Variants in PTPRG observed in about 807,000 individuals in gnomAD.
PTPRG encodes the protein protein tyrosine phosphatase receptor type G, also known as receptor-type tyrosine-protein phosphatase gamma.
In PTPRG, 102 loss-of-function variants were observed where a neutral mutation model predicts 165.3. The ratio of observed to expected loss-of-function variants is 0.62; its 90% CI spans 0.53 to 0.73. PTPRG has a LOEUF of 0.73. PTPRG is among the 30% of genes least tolerant of loss of function. The pLI, the probability that PTPRG is intolerant of heterozygous loss-of-function variation, is 0.00. For synonymous variants in PTPRG, 675 were observed against 669.5 expected, an observed-to-expected ratio of 1.01 and a Z score of -0.13; for missense variants, 1,866 against 1,861.4, an observed-to-expected ratio of 1.00 and a Z score of -0.05.
intron 1 of PTPRG, among the ~76,000 whole-genome samples, chr3:61,640,468 A>G (rs1380423167): frequency 2.0e-5 from 3 of 152,222 alleles, no homozygotes; most frequent in African/African-American, 7.2e-5. Flanking sequence ...TAAACCAAGG[A>G]TCAGGCTCTA....
intron 19 of PTPRG, 88 bp downstream of exon 19, chr3:62,267,907 A>C: frequency 6.9e-7 from 1 of 1,441,714 alleles, no homozygotes; most frequent in Non-Finnish European, 9.4e-7. Context: ...GGAACTTGAC[A>C]AGGTATAAAG....
At chr3:62,063,213 T>TCATAA (rs1700878881) in intron 4 of PTPRG, among the ~76,000 whole-genome samples, 1 of 152,236 alleles carries the variant, frequency 6.6e-6, no homozygotes, top group African/African-American at 2.4e-5. Context: ...ATCATATGTT[T>TCATAA]TCTCTGATTA....
chr3:62,052,990 G>A (rs769575597), intron 4 of PTPRG, among the ~76,000 whole-genome samples: 1 of 152,070 alleles, frequency 6.6e-6, no homozygotes, highest in Non-Finnish European at 1.5e-5. Context: ...CCCACACCAC[G>A]CATTAATTTT....
chr3:61,904,601 T>G (rs2038594088), intron 2 of PTPRG, among the ~76,000 whole-genome samples: 1 of 152,190 alleles, frequency 6.6e-6, no homozygotes, highest in African/African-American at 2.4e-5. Flanking sequence ...CTACCTAGTT[T>G]CATGGTTGGC....
intron 2 of PTPRG, among the ~76,000 whole-genome samples, chr3:61,960,304 G>T (rs753003807): frequency 6.6e-5 from 10 of 151,844 alleles, no homozygotes; most frequent in Non-Finnish European, 1.3e-4. Context: ...TGCATCTCCT[G>T]GAGTGGTGGC....
intron 1 of PTPRG, among the ~76,000 whole-genome samples, chr3:61,747,591 A>G (rs2033259997): frequency 6.6e-6 from 1 of 152,144 alleles, no homozygotes; most frequent in Non-Finnish European, 1.5e-5. Context: ...TTTTAATGCT[A>G]GTCTTTTTAA....
chr3:62,180,952 A>G (rs1705621413), intron 8 of PTPRG, among the ~76,000 whole-genome samples: 1 of 150,082 alleles, frequency 6.7e-6, no homozygotes, highest in Admixed American at 6.6e-5. Flanking sequence ...TTACATGCAC[A>G]GCAGAGACAG....
chr3:62,013,243 A>G (rs1219219877), intron 4 of PTPRG, among the ~76,000 whole-genome samples: 1 of 152,176 alleles, frequency 6.6e-6, no homozygotes, highest in Non-Finnish European at 1.5e-5. Flanking sequence ...TTTTTATACT[A>G]TGTCCTTGAA....
In PTPRG at chr3:62,233,362, G is replaced by A. The variant is rs1386713879; in HGVS notation, c.2375+2051G>A. 1.3e-5 allele frequency among the ~76,000 whole-genome samples: 2 copies of A among 152,060 alleles called. No individual in the cohort carries two copies. Among genetic ancestry groups the A allele is most frequent in the African/African-American group, 4.8e-5 (2 of 41,418 alleles). The stretch of plus-strand genomic sequence containing the variant: ...CCCACTGTCCCCTCTCCTTCCCCAT[G>A]CTCTCTCCCCAGGCACTTTTGCTGC... On this transcript the variant is annotated intron_variant, in intron 14 of 29. Transcript: ENST00000474889. The surrounding 1 kb of genome is among the most constrained non-coding windows in gnomAD (Gnocchi z 4.7).
At chr3:62,071,461 T>G (rs1701207734) in intron 4 of PTPRG, among the ~76,000 whole-genome samples, 1 of 152,178 alleles carries the variant, frequency 6.6e-6, no homozygotes, top group Non-Finnish European at 1.5e-5. Flanking sequence ...GCCCATTGCC[T>G]GTATAAATGT....
At chr3:61,733,308 G>T (rs1007849083) in intron 1 of PTPRG, among the ~76,000 whole-genome samples, 3 of 152,132 alleles carry the variant, frequency 2.0e-5, no homozygotes, top group African/African-American at 7.2e-5. Flanking sequence ...CACTTAATTA[G>T]GGGGTCCCAG....
chr3:61,782,980 T>A (rs551233569), intron 2 of PTPRG, among the ~76,000 whole-genome samples: 5 of 151,676 alleles, frequency 3.3e-5, no homozygotes, highest in African/African-American at 7.3e-5. Flanking sequence ...TTAAAACAAA[T>A]TTTTTTTAAG....
rs190622872 is a variant in PTPRG, at chr3:62,050,317, T to A, written c.520-27846T>A. The stretch of plus-strand genomic sequence containing the variant: ...TTAGATACCGAAATACTTACCATCA[T>A]GTTACAGTTGCCTACAGTATTCAAT... On this transcript the variant is annotated intron_variant, in intron 4 of 29. Coordinates refer to ENST00000474889, the MANE Select transcript of PTPRG (RefSeq NM_002841.4). Among the ~76,000 whole-genome samples, 149 of 152,326 alleles carry A rather than the reference T, an allele frequency of 9.8e-4. 2 individuals are homozygous for A. The East Asian group carries it at 0.024, about 24-fold the overall frequency.
At chr3:62,042,634 C>T (rs1267758017) in intron 4 of PTPRG, among the ~76,000 whole-genome samples, 2 of 152,136 alleles carry the variant, frequency 1.3e-5, no homozygotes, top group South Asian at 2.1e-4. Flanking sequence ...TAGAAGGCTT[C>T]AGGGTCTCCT....
intron 5 of PTPRG, 23 bp downstream of exon 5, chr3:62,078,281 A>G: frequency 6.8e-7 from 1 of 1,469,276 alleles, no homozygotes; most frequent in Non-Finnish European, 9.3e-7. Context: ...TGGCTGAAGT[A>G]CTTCAAAGAA....
At chr3:62,204,640 T>C (rs1700181534) in intron 12 of PTPRG, among the ~76,000 whole-genome samples, 2 of 152,328 alleles carry the variant, frequency 1.3e-5, no homozygotes, top group South Asian at 4.1e-4. Flanking sequence ...TCTGGAGAAG[T>C]GGCTTGTTCA....
At chr3:61,900,634 T>A (rs1456702187) in intron 2 of PTPRG, among the ~76,000 whole-genome samples, 7 of 152,170 alleles carry the variant, frequency 4.6e-5, no homozygotes, top group Admixed American at 1.3e-4. Flanking sequence ...TGGAGGCCCA[T>A]TAATGCCCAG....
intron 1 of PTPRG, among the ~76,000 whole-genome samples, chr3:61,738,338 G>GTA (rs1194827737): frequency 1.1e-4 from 14 of 123,668 alleles, no homozygotes; most frequent in African/African-American, 3.0e-4. Flanking sequence ...ATATATATAT[G>GTA]TATATATATA....
intron 1 of PTPRG, among the ~76,000 whole-genome samples, chr3:61,640,677 T>A (rs1340147830): frequency 6.6e-6 from 1 of 152,212 alleles, no homozygotes; most frequent in Non-Finnish European, 1.5e-5. Flanking sequence ...ACCCTTTTCA[T>A]GATGCAAAAT....
Sources: gnomAD v4.1 joint callset for allele counts (sites outside exome capture counted in the v4.1 genomes callset) on GRCh38, gnomAD v4.1.1 for gene constraint, Gnocchi (gnomAD v3.1) non-coding constraint, MANE v1.5 for transcripts, NCBI Gene and HGNC (gene_info 2026-07-23, HGNC 2026-07-21) for gene names.